The following DOP1A variants were observed in gnomAD, a reference collection of about 807,000 sequenced individuals.
DOP1A encodes DOP1 leucine zipper like protein A.
DOP1A carries 90 observed loss-of-function variants against 267.6 expected under a neutral mutation model. The observed-to-expected ratio is 0.34, with a 90% confidence interval of 0.28 to 0.40. The LOEUF is 0.40. Ranked by LOEUF, DOP1A falls within the 10% of genes least tolerant of loss-of-function variation. The pLI, the probability that DOP1A is intolerant of heterozygous loss-of-function variation, is 1.00. For missense variants in DOP1A, 2,437 were observed against 2,900.4 expected, an observed-to-expected ratio of 0.84 and a Z score of 3.67; for synonymous variants, 932 against 999.1, an observed-to-expected ratio of 0.93 and a Z score of 1.27.
chr6:83,158,986 C>G (rs1213689122), intron 36 of DOP1A, among the ~76,000 whole-genome samples: 1 of 152,192 alleles, frequency 6.6e-6, no homozygotes, highest in Non-Finnish European at 1.5e-5. Flanking sequence ...ATATGCAGAT[C>G]TTCCAGATGG....
chr6:83,120,260 A>G (rs545099479), intron 9 of DOP1A, among the ~76,000 whole-genome samples: 23 of 151,900 alleles, frequency 1.5e-4, no homozygotes, highest in Non-Finnish European at 3.4e-4. Context: ...AAGAAAATAC[A>G]TGGTATCTGA....
intron 14 of DOP1A, 74 bp downstream of exon 14, chr6:83,125,269 C>A: frequency 7.2e-7 from 1 of 1,396,208 alleles, no homozygotes. Flanking sequence ...AGTAATGTAG[C>A]AGATAAAACT....
chr6:83,166,449 T>A (rs916996793), intron 38 of DOP1A: 1 of 701,814 alleles, frequency 1.4e-6, no homozygotes, highest in East Asian at 2.7e-5. Context: ...TTGTGTGTTG[T>A]CTCTGCTGCT....
At chr6:83,142,460 A>G (rs1269418589) in intron 24 of DOP1A, among the ~76,000 whole-genome samples, 3 of 152,178 alleles carry the variant, frequency 2.0e-5, no homozygotes, top group Non-Finnish European at 4.4e-5. Flanking sequence ...GTGAGCCAAG[A>G]TCATGCCACT....
Position 83,137,747 on chromosome 6 carries a change from T to C in DOP1A, c.3705T>C (p.Asn1235=), listed in dbSNP as rs753005652. 6.2e-7 allele frequency: 1 copy of C among 1,613,798 alleles called. No homozygotes were observed. The highest frequency in any genetic ancestry group is 8.5e-7 in the Non-Finnish European group (1 of 1,179,858). Residue 1235 remains asparagine, a synonymous_variant, in exon 21 of 39, where the codon AAT becomes AAC. Coordinates refer to ENST00000349129, the MANE Select transcript of DOP1A (RefSeq NM_015018.4). ...HECVANGISR[N]SSSPCISGTT... ...GTGTGGCAAATGGAATCTCCAGGAA[T>C]AGCTCCTCACCTTGTATTTCAGGAA... is the stretch of plus-strand genomic sequence containing the variant.
intron 15 of DOP1A, 79 bp downstream of exon 15, chr6:83,125,812 T>C (rs1156767911): frequency 5.0e-6 from 6 of 1,202,792 alleles, no homozygotes; most frequent in Non-Finnish European, 7.0e-6. Context: ...AAATCACTTA[T>C]ACATAAGCAT....
intron 1 of DOP1A, among the ~76,000 whole-genome samples, chr6:83,088,889 A>G (rs142199223): frequency 6.6e-6 from 1 of 152,360 alleles, no homozygotes; most frequent in East Asian, 1.9e-4. Context: ...CATCTGTTAG[A>G]TGGTAACAAT....
intron 1 of DOP1A, among the ~76,000 whole-genome samples, chr6:83,072,696 A>G (rs1012409013): frequency 1.3e-5 from 2 of 152,160 alleles, no homozygotes; most frequent in African/African-American, 4.8e-5. Flanking sequence ...ATAGCCCTAC[A>G]TTTTTCAGTT....
At chr6:83,103,753 G>C (rs2128145995) in intron 4 of DOP1A, among the ~76,000 whole-genome samples, 1 of 152,100 alleles carries the variant, frequency 6.6e-6, no homozygotes, top group South Asian at 2.1e-4. Flanking sequence ...TTAAACTGTT[G>C]ATATAATTTA....
rs1025576453 is a variant in DOP1A at position 83,138,734 on chromosome 6, T to G, written c.4692T>G (p.Leu1564=). 1.2e-6 allele frequency: 2 copies of G among 1,614,038 alleles called. No individual in the cohort carries two copies. The highest frequency in any genetic ancestry group is 1.7e-6 in the Non-Finnish European group (2 of 1,179,956). Residue 1564 remains leucine, a synonymous_variant, in exon 21 of 39, where the codon CTT becomes CTG. Coordinates refer to ENST00000349129, the MANE Select transcript of DOP1A (RefSeq NM_015018.4). ...AAGAAGGTTTCTCAGAGGACAGCCT[T>G]ATTAATTTCTCAGAGGATGAATTTG... ...AVEEGFSEDS[L]INFSEDEFDN... is the part of the protein sequence containing the mutation.
At chr6:83,079,734 T>C (rs895815350) in intron 1 of DOP1A, among the ~76,000 whole-genome samples, 108 of 152,194 alleles carry the variant, frequency 7.1e-4, no homozygotes, top group Admixed American at 1.5e-3. Context: ...TTTCTAGTAG[T>C]ATGTTTTAGC....
At chr6:83,080,222 T>C (rs760311213) in intron 1 of DOP1A, among the ~76,000 whole-genome samples, 14 of 152,164 alleles carry the variant, frequency 9.2e-5, no homozygotes, top group Non-Finnish European at 1.8e-4. Flanking sequence ...TAGAAAGATA[T>C]GTTTGAAAAA....
intron 37 of DOP1A, among the ~76,000 whole-genome samples, chr6:83,162,283 AC>A (rs1188211135): frequency 3.3e-5 from 5 of 152,096 alleles, no homozygotes; most frequent in African/African-American, 4.8e-5. Context: ...AAAATTACAA[AC>A]AAAAATACAA....
chr6:83,168,730 G>T, downstream of DOP1A: 4 of 997,386 alleles, frequency 4.0e-6, no homozygotes, highest in Non-Finnish European at 1.2e-6. Context: ...TCATACCTCT[G>T]AGTTCCTGAT....
intron 1 of DOP1A, among the ~76,000 whole-genome samples, chr6:83,084,106 G>C (rs1347345718): frequency 1.3e-5 from 2 of 152,122 alleles, no homozygotes; most frequent in Non-Finnish European, 2.9e-5. Context: ...TAGCTTTTCT[G>C]AGACCTAAAG....
At chr6:83,108,610 G>A (rs967825708) in intron 4 of DOP1A, among the ~76,000 whole-genome samples, 5 of 152,188 alleles carry the variant, frequency 3.3e-5, no homozygotes, top group African/African-American at 1.2e-4. Flanking sequence ...GAAATTGACA[G>A]TTATTACAGG....
intron 24 of DOP1A, among the ~76,000 whole-genome samples, chr6:83,145,123 GTA>G (rs757358829): frequency 6.7e-4 from 32 of 47,966 alleles, no homozygotes; most frequent in Non-Finnish European, 9.1e-4. Context: ...TACATATATT[GTA>G]TATATATATA....
intron 6 of DOP1A, among the ~76,000 whole-genome samples, chr6:83,111,128 AT>A (rs1562309337): frequency 6.6e-6 from 1 of 151,776 alleles, no homozygotes; most frequent in African/African-American, 2.4e-5. Context: ...AAGTGGACTC[AT>A]TTTTTGTGTT....
chr6:83,125,446 T>G (rs1452027835), intron 14 of DOP1A, 54 bp from the exon 15 acceptor site: 1 of 1,516,948 alleles, frequency 6.6e-7, no homozygotes, highest in African/African-American at 1.4e-5. Flanking sequence ...TTAAAAAATG[T>G]AACTTTTGGG....
Sources: allele counts gnomAD v4.1 joint callset (sites outside exome capture counted in the v4.1 genomes callset), GRCh38; gene constraint gnomAD v4.1.1; transcripts MANE v1.5; gene names NCBI Gene and HGNC (gene_info 2026-07-23, HGNC 2026-07-21).